Variants in NRXN1 observed in about 807,000 individuals in gnomAD.
NRXN1 encodes neurexin 1.
Under a neutral mutation model 150.9 loss-of-function variants are expected in NRXN1, and 39 were observed. The ratio of observed to expected loss-of-function variants is 0.26; its 90% CI spans 0.20 to 0.34. The LOEUF (loss-of-function observed/expected upper bound fraction) is 0.34. Among genes scored for constraint, NRXN1 ranks in the 10% least tolerant of loss-of-function variants. The pLI is 1.00. For missense variants in NRXN1, 1,815 were observed against 1,949.9 expected (o/e 0.93, Z 1.30); for synonymous variants, 924 against 757.0 (o/e 1.22, Z -3.62).
chr2:51,017,172 G>A (rs1050500703), intron 2 of NRXN1, among the ~76,000 whole-genome samples: 9 of 151,950 alleles, frequency 5.9e-5, no homozygotes, highest in African/African-American at 2.2e-4. Flanking sequence ...ATTGATAGGT[G>A]CAGCAAACCA....
intron 2 of NRXN1, among the ~76,000 whole-genome samples, chr2:50,972,495 G>A (rs1695166652): frequency 6.6e-6 from 1 of 152,192 alleles, no homozygotes; most frequent in South Asian, 2.1e-4. Flanking sequence ...AGACTGGGGA[G>A]GGGGGTGGTT....
chr2:50,465,678 T>A, intron 16 of NRXN1, 117 bp from the exon 17 acceptor site: 1 of 1,121,536 alleles, frequency 8.9e-7, no homozygotes, highest in Non-Finnish European at 1.2e-6. Flanking sequence ...CCAAACTAGT[T>A]TTTAAAGTTC....
intron 5 of NRXN1, among the ~76,000 whole-genome samples, chr2:50,729,831 G>T (rs983813858): frequency 2.0e-5 from 3 of 152,132 alleles, no homozygotes; most frequent in Non-Finnish European, 2.9e-5. Flanking sequence ...TTCAGGTTTG[G>T]TTTCGAAAGC....
At chr2:50,847,470 G>T (rs1559346165) in intron 5 of NRXN1, among the ~76,000 whole-genome samples, 1 of 152,100 alleles carries the variant, frequency 6.6e-6, no homozygotes, top group Admixed American at 6.5e-5. Flanking sequence ...AAATGATACA[G>T]AAGCGGGGAA....
chr2:50,489,932 C>T (rs549354908), intron 15 of NRXN1, among the ~76,000 whole-genome samples: 1 of 152,246 alleles, frequency 6.6e-6, no homozygotes, highest in Admixed American at 6.5e-5. Context: ...CTTCCCGCCT[C>T]CTTAAGGTAG....
chr2:50,998,463 C>A lies in NRXN1; in HGVS notation c.772+29039G>T, dbSNP rs751468079. Reference sequence around the variant, plus strand: ...CCAAAATGATTTGCATTTGTATATTCGCAAATCATATTGTTTTAATATTTC... The same window carrying A: ...CCAAAATGATTTGCATTTGTATATTAGCAAATCATATTGTTTTAATATTTC... On this transcript the variant is annotated intron_variant, in intron 2 of 22. Transcript: ENST00000401669. Among the ~76,000 whole-genome samples the A allele has an allele frequency of 5.9e-5, 9 of 152,102 alleles. No individual in the cohort carries two copies. The South Asian group carries it at 1.5e-3, about 25-fold the overall frequency.
chr2:50,600,354 T>C lies in NRXN1; in HGVS notation c.1320+19668A>G, dbSNP rs372327284. Among the ~76,000 whole-genome samples, 389 of 141,590 alleles carry C rather than the reference T, an allele frequency of 2.7e-3. 1 individual carries two copies. The highest frequency in any genetic ancestry group is 9.2e-3 in the African/African-American group (349 of 37,934). 92.9% of individuals were successfully genotyped at this position (141,590 alleles called of 152,430 possible). A position where few individuals can be genotyped will look rare whatever the true frequency, so the allele number is the denominator to read the frequency against. ...TTTTTTTTTTTTTTGAGACAGAGTCTCACTCTGTTACCCAGGCTGGAGTGC... is the reference window on the plus strand; with the variant it reads ...TTTTTTTTTTTTTTGAGACAGAGTCCCACTCTGTTACCCAGGCTGGAGTGC... On this transcript the variant is annotated intron_variant, in intron 8 of 22. Coordinates refer to ENST00000401669, the MANE Select transcript of NRXN1 (RefSeq NM_001330078.2).
At chr2:50,607,275 A>T (rs1004431384) in intron 8 of NRXN1, among the ~76,000 whole-genome samples, 1 of 152,130 alleles carries the variant, frequency 6.6e-6, no homozygotes, top group Non-Finnish European at 1.5e-5. Flanking sequence ...GGAAATAATG[A>T]TGTTTCTACT....
chr2:49,948,631 T>G (rs370067795), intron 21 of NRXN1, among the ~76,000 whole-genome samples: 7 of 151,896 alleles, frequency 4.6e-5, no homozygotes, highest in African/African-American at 1.7e-4. Flanking sequence ...AATTTCACTT[T>G]AGAAGCTGAA....
At position 49,935,083 on chromosome 2, in the gene NRXN1, T is replaced by A. The variant is rs76226635; in HGVS notation, c.4216+8621A>T. 6.0e-3 allele frequency among the ~76,000 whole-genome samples: 917 copies of A among 152,372 alleles called. 7 individuals are homozygous for A. The highest frequency in any genetic ancestry group is 0.02 in the African/African-American group (849 of 41,594). On this transcript the variant is annotated intron_variant, in intron 22 of 22. Transcript: ENST00000401669. Reference sequence around the variant, plus strand: ...TATTTAGTTAGTTTGCTACTACTACTAATAAAAGCTAATTTATGTTATCAA... The same window carrying A: ...TATTTAGTTAGTTTGCTACTACTACAAATAAAAGCTAATTTATGTTATCAA...
intron 8 of NRXN1, among the ~76,000 whole-genome samples, chr2:50,584,197 A>G (rs1483296119): frequency 6.6e-6 from 1 of 152,226 alleles, no homozygotes; most frequent in Non-Finnish European, 1.5e-5. Context: ...CCCAAAGATA[A>G]TGGGTTCAAA....
intron 18 of NRXN1, among the ~76,000 whole-genome samples, chr2:50,153,572 T>C (rs1204734914): frequency 6.6e-5 from 10 of 151,722 alleles, no homozygotes; most frequent in Non-Finnish European, 1.2e-4. Context: ...AGCTATAAAT[T>C]TGAGGTCTTC....
intron 17 of NRXN1, among the ~76,000 whole-genome samples, chr2:50,345,560 G>A (rs947082746): frequency 6.6e-6 from 1 of 152,194 alleles, no homozygotes; most frequent in Non-Finnish European, 1.5e-5. Context: ...TTACACCGGG[G>A]TAGAATAAAA....
intron 21 of NRXN1, among the ~76,000 whole-genome samples, chr2:49,980,967 T>C (rs1679893353): frequency 1.3e-5 from 2 of 152,156 alleles, no homozygotes; most frequent in East Asian, 1.9e-4. Flanking sequence ...TGATGACTCA[T>C]GAAAATGAAA....
intron 17 of NRXN1, among the ~76,000 whole-genome samples, chr2:50,271,658 AC>A: frequency 6.6e-6 from 1 of 152,326 alleles, no homozygotes; most frequent in Non-Finnish European, 1.5e-5. Context: ...TTATGGGCAC[AC>A]AGGAAAATTT....
intron 18 of NRXN1, chr2:50,207,728 C>A (rs561675038): frequency 5.9e-6 from 1 of 168,140 alleles, no homozygotes; most frequent in East Asian, 1.9e-4. Flanking sequence ...AAAATATGAT[C>A]GGCTTTAGTT....
intron 18 of NRXN1, among the ~76,000 whole-genome samples, chr2:50,123,843 A>G (rs974515100): frequency 3.3e-5 from 5 of 152,180 alleles, no homozygotes; most frequent in Non-Finnish European, 7.3e-5. Flanking sequence ...TCAGATGGAT[A>G]TTGTGGAAGG....
chr2:50,260,552 A>T (rs769485251), intron 17 of NRXN1, among the ~76,000 whole-genome samples: 1 of 151,640 alleles, frequency 6.6e-6, no homozygotes, highest in Non-Finnish European at 1.5e-5. Context: ...CAAAAGAACC[A>T]TAATTCCTAT....
chr2:50,505,410 T>C (rs892791401), intron 13 of NRXN1, among the ~76,000 whole-genome samples: 4 of 152,178 alleles, frequency 2.6e-5, no homozygotes, highest in Admixed American at 2.0e-4. Flanking sequence ...AAATGTTCTG[T>C]TGTAGTTCTG....
Sources: gnomAD v4.1 joint callset for allele counts (sites outside exome capture counted in the v4.1 genomes callset) on GRCh38, gnomAD v4.1.1 for gene constraint, MANE v1.5 for transcripts, NCBI Gene and HGNC (gene_info 2026-07-23, HGNC 2026-07-21) for gene names.